Variants in FTO observed in about 807,000 individuals in gnomAD.
The protein encoded by FTO is FTO alpha-ketoglutarate dependent dioxygenase, also known as alpha-ketoglutarate-dependent dioxygenase FTO.
A neutral mutation model predicts 63.9 loss-of-function variants in FTO; 47 were observed. That is an observed-to-expected ratio of 0.74 (90% confidence interval 0.58 to 0.94). The LOEUF (loss-of-function observed/expected upper bound fraction) is 0.94, where lower values mean the gene tolerates loss of function less well. Among genes scored for constraint, FTO ranks in the 40% least tolerant of loss-of-function variants. The probability of loss-of-function intolerance (pLI) is 0.00; values close to 1 mark genes in which losing one functional copy is unlikely to be tolerated. For synonymous variants in FTO, 207 were observed against 224.4 expected (o/e 0.92, Z 0.69); for missense variants, 562 against 618.1 (o/e 0.91, Z 0.96).
At chr16:53,976,757 A>G (rs2083445699) in intron 8 of FTO, among the ~76,000 whole-genome samples, 1 of 152,030 alleles carries the variant, frequency 6.6e-6, no homozygotes, top group Admixed American at 6.6e-5. Flanking sequence ...TGAGTTTTAA[A>G]ATTTTCTTCA....
intron 4 of FTO, among the ~76,000 whole-genome samples, chr16:53,848,072 T>C (rs2079683411): frequency 6.6e-6 from 1 of 152,204 alleles, no homozygotes; most frequent in Non-Finnish European, 1.5e-5. Context: ...TATATTTTTA[T>C]TAGGATTTAT....
intron 6 of FTO, among the ~76,000 whole-genome samples, chr16:53,885,969 A>G (rs1003438855): frequency 8.5e-5 from 13 of 152,102 alleles, no homozygotes; most frequent in African/African-American, 3.1e-4. Context: ...TGCCCAGGCT[A>G]GTTTCAAACT....
chr16:53,818,442 A>G (rs2078760607), intron 2 of FTO, among the ~76,000 whole-genome samples: 4 of 152,150 alleles, frequency 2.6e-5, no homozygotes, highest in Admixed American at 2.6e-4. Flanking sequence ...GCCATCAGAA[A>G]GAATCTCTTG....
At chr16:53,931,295 TGAC>T (rs1312648528) in intron 7 of FTO, among the ~76,000 whole-genome samples, 276 of 144,402 alleles carry the variant, frequency 1.9e-3, no homozygotes, top group African/African-American at 7.2e-3. Flanking sequence ...ACAAACTATG[TGAC>T]TTTTTTTTTT....
chr16:53,917,088 C>T (rs2081889206), intron 7 of FTO, among the ~76,000 whole-genome samples: 1 of 152,174 alleles, frequency 6.6e-6, no homozygotes, highest in Non-Finnish European at 1.5e-5. Context: ...AAGGGCGTAG[C>T]ATCATTAACC....
chr16:53,780,889 C>T (rs564398666), intron 1 of FTO, among the ~76,000 whole-genome samples: 1 of 152,110 alleles, frequency 6.6e-6, no homozygotes, highest in Non-Finnish European at 1.5e-5. Context: ...TACTTAGCAT[C>T]TTTTATGGTT....
chr16:53,867,104 TC>T (rs1318585340), intron 4 of FTO, among the ~76,000 whole-genome samples: 7 of 151,890 alleles, frequency 4.6e-5, no homozygotes, highest in Non-Finnish European at 8.8e-5. Context: ...TTCATTTAGT[TC>T]CTTTTTTTTA....
At chr16:53,880,927 C>T (rs960206244) in intron 6 of FTO, among the ~76,000 whole-genome samples, 1 of 140,186 alleles carries the variant, frequency 7.1e-6, no homozygotes, top group African/African-American at 2.7e-5. Flanking sequence ...CAGTGAAACC[C>T]CGTCTCTACT....
rs142426550 is a variant in FTO, at chr16:53,882,849, G to A, written c.1119+2862G>A. On this transcript the variant is annotated intron_variant, in intron 6 of 8. Transcript: ENST00000471389. ...TATCTTGTGAGCTGCTCCACACTTTGTGAAACATTGTCATAATCTCCAGAA... is the reference window on the plus strand; with the variant it reads ...TATCTTGTGAGCTGCTCCACACTTTATGAAACATTGTCATAATCTCCAGAA... 3.0e-3 allele frequency among the ~76,000 whole-genome samples: 453 copies of A among 152,294 alleles called. 1 individual carries two copies. The highest frequency in any genetic ancestry group is 0.024 in the Middle Eastern group (7 of 292).
At chr16:53,753,911 C>G (rs1292616728) in intron 1 of FTO, among the ~76,000 whole-genome samples, 5 of 152,152 alleles carry the variant, frequency 3.3e-5, no homozygotes, top group African/African-American at 9.7e-5. Flanking sequence ...ACCTTCTGAC[C>G]CACAGCCAGA....
chr16:53,867,310 AT>A (rs2080346166), intron 4 of FTO, among the ~76,000 whole-genome samples: 1 of 147,676 alleles, frequency 6.8e-6, no homozygotes, highest in South Asian at 2.1e-4. Flanking sequence ...ATTGCAGGAA[AT>A]TTGTCAGAAG....
At chr16:53,980,430 A>G (rs534347289) in intron 8 of FTO, among the ~76,000 whole-genome samples, 1 of 152,228 alleles carries the variant, frequency 6.6e-6, no homozygotes, top group Non-Finnish European at 1.5e-5. Flanking sequence ...AAGCTAAGGA[A>G]GCTGACACGT....
chr16:54,108,046 AC>A (rs1275677595), intron 8 of FTO, among the ~76,000 whole-genome samples: 1 of 152,092 alleles, frequency 6.6e-6, no homozygotes, highest in Non-Finnish European at 1.5e-5. Flanking sequence ...AGCTAGTCCC[AC>A]CCACATCAAG....
intron 7 of FTO, among the ~76,000 whole-genome samples, chr16:53,915,900 A>G (rs1041037427): frequency 3.3e-5 from 5 of 152,246 alleles, no homozygotes. Context: ...TTATCAAAGC[A>G]TAAAACTATT....
At chr16:53,958,089 C>A (rs1288305908) in intron 8 of FTO, among the ~76,000 whole-genome samples, 2 of 152,186 alleles carry the variant, frequency 1.3e-5, no homozygotes, top group African/African-American at 4.8e-5. Context: ...ATGGTCCTGG[C>A]ACTTGTCTAA....
At chr16:53,768,932 C>A (rs977480146) in intron 1 of FTO, among the ~76,000 whole-genome samples, 2 of 152,156 alleles carry the variant, frequency 1.3e-5, no homozygotes, top group Non-Finnish European at 2.9e-5. Flanking sequence ...GCTAATTTAA[C>A]CCACAATGAA....
chr16:53,939,531 A>T (rs1055426982), intron 8 of FTO, among the ~76,000 whole-genome samples: 3 of 152,156 alleles, frequency 2.0e-5, no homozygotes, highest in Non-Finnish European at 4.4e-5. Context: ...TATGCACGAG[A>T]TTGTGCAACT....
At chr16:53,905,462 G>T (rs1185360140) in intron 7 of FTO, among the ~76,000 whole-genome samples, 1 of 152,070 alleles carries the variant, frequency 6.6e-6, no homozygotes, top group Non-Finnish European at 1.5e-5. Flanking sequence ...TTGCATTTTT[G>T]CTTTGAATCT....
intron 1 of FTO, among the ~76,000 whole-genome samples, chr16:53,757,989 C>G (rs1307243050): frequency 2.6e-5 from 4 of 152,164 alleles, no homozygotes; most frequent in Non-Finnish European, 4.4e-5. Context: ...TTCAGCCTTT[C>G]TTTAGGATAA....
Sources: gnomAD v4.1 joint callset for allele counts (sites outside exome capture counted in the v4.1 genomes callset) on GRCh38, gnomAD v4.1.1 for gene constraint, MANE v1.5 for transcripts, NCBI Gene and HGNC (gene_info 2026-07-23, HGNC 2026-07-21) for gene names.